The following CLSTN2 variants were observed in gnomAD, a reference collection of about 807,000 sequenced individuals.
The protein encoded by CLSTN2 is calsyntenin-2.
In CLSTN2, 48 loss-of-function variants were observed where a neutral mutation model predicts 101.2. The ratio of observed to expected loss-of-function variants is 0.47; its 90% CI spans 0.38 to 0.60. The LOEUF (loss-of-function observed/expected upper bound fraction) is 0.60. CLSTN2 is among the 20% of genes least tolerant of loss of function. CLSTN2 has a pLI of 0.00. For synonymous variants in CLSTN2, 481 were observed against 463.6 expected (o/e 1.04, Z -0.48); for missense variants, 1,160 against 1,238.2 (o/e 0.94, Z 0.95).
At position 140,074,648 on chromosome 3, in the gene CLSTN2, G is replaced by A. The variant is rs139885112; in HGVS notation, c.110-101303G>A. On this transcript the variant is annotated intron_variant, in intron 1 of 16. Transcript: ENST00000458420. ...AGGGAGAGATGCTATCATTACTCTC[G>A]TTTTACAGATGAGGAAACAGAGGCA... Among the ~76,000 whole-genome samples the A allele has an allele frequency of 5.5e-4, 84 of 152,272 alleles. 1 individual carries two copies. The highest frequency in any genetic ancestry group is 9.2e-4 in the Admixed American group (14 of 15,300).
chr3:140,552,751 G>A (rs1379134082), intron 10 of CLSTN2, among the ~76,000 whole-genome samples: 2 of 152,182 alleles, frequency 1.3e-5, no homozygotes, highest in African/African-American at 4.8e-5. Context: ...AGACCCTGCA[G>A]TGATGCTGAG....
chr3:140,089,737 A>G (rs2008743746), intron 1 of CLSTN2, among the ~76,000 whole-genome samples: 1 of 151,482 alleles, frequency 6.6e-6, no homozygotes, highest in Non-Finnish European at 1.5e-5. Context: ...TAGCCTCCTG[A>G]GTAGCTGGGA....
At chr3:140,149,461 A>T (rs1002238778) in intron 1 of CLSTN2, among the ~76,000 whole-genome samples, 4 of 9,826 alleles carry the variant, frequency 4.1e-4, no homozygotes, top group African/African-American at 1.7e-3. Context: ...TCAGATAAAT[A>T]GCATTTTTTT....
chr3:140,454,596 TA>T (rs1933349245), intron 6 of CLSTN2: 1 of 152,228 alleles, frequency 6.6e-6, no homozygotes, highest in Non-Finnish European at 1.5e-5. Flanking sequence ...TATGCTGTAG[TA>T]ACAACTGACC....
chr3:140,498,850 C>T (rs1202239343), intron 8 of CLSTN2, among the ~76,000 whole-genome samples: 2 of 152,168 alleles, frequency 1.3e-5, no homozygotes, highest in Non-Finnish European at 2.9e-5. Context: ...GAAGGATTTC[C>T]TCTCAGCCTT....
At chr3:140,373,151 A>G (rs994071485) in intron 2 of CLSTN2, among the ~76,000 whole-genome samples, 1 of 152,194 alleles carries the variant, frequency 6.6e-6, no homozygotes. Flanking sequence ...TTAACTCGGT[A>G]TTTTCCAAAG....
At chr3:140,373,248 C>T (rs952486508) in intron 2 of CLSTN2, among the ~76,000 whole-genome samples, 23 of 152,184 alleles carry the variant, frequency 1.5e-4, no homozygotes, top group African/African-American at 5.3e-4. Flanking sequence ...AATTCTATTC[C>T]AACACTGACA....
intron 2 of CLSTN2, among the ~76,000 whole-genome samples, chr3:140,374,724 C>A (rs2087896917): frequency 6.6e-6 from 1 of 152,166 alleles, no homozygotes; most frequent in Non-Finnish European, 1.5e-5. Flanking sequence ...TAAATGAAAT[C>A]AGCAATTTTG....
Position 140,410,897 on chromosome 3 carries a change from T to C in CLSTN2, c.637+6131T>C, listed in dbSNP as rs2107983571. 1.3e-5 allele frequency among the ~76,000 whole-genome samples: 2 copies of C among 152,260 alleles called. 1 individual carries two copies. The highest frequency in any genetic ancestry group is 4.1e-4 in the South Asian group (2 of 4,826). ...CAACCATAATATGTTTTATAATATG[T>C]AAGCCTCAGTAACCACAAAGCAAAA... On this transcript the variant is annotated intron_variant, in intron 4 of 16. Transcript: ENST00000458420.
chr3:140,351,922 A>G (rs1434443306), intron 2 of CLSTN2, among the ~76,000 whole-genome samples: 1 of 151,808 alleles, frequency 6.6e-6, no homozygotes, highest in East Asian at 1.9e-4. Flanking sequence ...ATATGTGTAG[A>G]TTAGTGATAC....
chr3:140,326,842 C>A (rs2087336225), intron 2 of CLSTN2, among the ~76,000 whole-genome samples: 1 of 152,120 alleles, frequency 6.6e-6, no homozygotes, highest in Admixed American at 6.5e-5. Context: ...CAAAAGTGCC[C>A]TCTATAACTT....
chr3:140,076,214 CTTG>C (rs1300062230), intron 1 of CLSTN2, among the ~76,000 whole-genome samples: 1 of 152,176 alleles, frequency 6.6e-6, no homozygotes, highest in African/African-American at 2.4e-5. Context: ...CGCGTTCATC[CTTG>C]TTGTTGCCTA....
chr3:140,553,573 T>C (rs1343901923), intron 10 of CLSTN2, among the ~76,000 whole-genome samples: 1 of 152,032 alleles, frequency 6.6e-6, no homozygotes, highest in Non-Finnish European at 1.5e-5. Flanking sequence ...TAACATATGA[T>C]CCCCAAACCT....
chr3:139,993,747 A>G (rs1235116120), intron 1 of CLSTN2, among the ~76,000 whole-genome samples: 2 of 152,182 alleles, frequency 1.3e-5, no homozygotes, highest in African/African-American at 4.8e-5. Context: ...TTTGCCATAA[A>G]CCACTTACAT....
intron 2 of CLSTN2, among the ~76,000 whole-genome samples, chr3:140,183,845 GA>G (rs2010445531): frequency 6.6e-6 from 1 of 152,180 alleles, no homozygotes; most frequent in South Asian, 2.1e-4. Flanking sequence ...TTTTATAGGA[GA>G]GACCGATGTT....
At chr3:140,147,896 A>G (rs1277023196) in intron 1 of CLSTN2, among the ~76,000 whole-genome samples, 1 of 152,150 alleles carries the variant, frequency 6.6e-6, no homozygotes, top group African/African-American at 2.4e-5. Context: ...CATTTTTTAG[A>G]GAATGTCACT....
Position 140,259,157 on chromosome 3 carries a change from A to G in CLSTN2, c.232+83084A>G, listed in dbSNP as rs1407059562. 1.4e-4 allele frequency among the ~76,000 whole-genome samples: 12 copies of G among 84,542 alleles called. No individual in the cohort carries two copies. In the Admixed American group the frequency reaches 1.7e-3, roughly 12 times the overall value. 55.5% of individuals were successfully genotyped at this position (84,542 alleles called of 152,430 possible). ...AATTTTTTTCTTTAAATCTTTATCAAGAATAATTGATTGAAAAAAAAAAGC... is the reference window on the plus strand; with the variant it reads ...AATTTTTTTCTTTAAATCTTTATCAGGAATAATTGATTGAAAAAAAAAAGC... On this transcript the variant is annotated intron_variant, in intron 2 of 16. Transcript: ENST00000458420.
At chr3:139,983,292 G>T (rs966632161) in intron 1 of CLSTN2, among the ~76,000 whole-genome samples, 2 of 152,136 alleles carry the variant, frequency 1.3e-5, no homozygotes, top group East Asian at 1.9e-4. Context: ...AAGAAAAAAA[G>T]ATGGGAAGGA....
At chr3:139,958,839 G>T (rs890870626) in intron 1 of CLSTN2, among the ~76,000 whole-genome samples, 2 of 149,040 alleles carry the variant, frequency 1.3e-5, no homozygotes, top group Non-Finnish European at 3.0e-5. Flanking sequence ...CTTAAATCAG[G>T]ATGAGTCTTA....
Sources: gnomAD v4.1 joint callset for allele counts (sites outside exome capture counted in the v4.1 genomes callset) on GRCh38, gnomAD v4.1.1 for gene constraint, MANE v1.5 for transcripts, NCBI Gene and HGNC (gene_info 2026-07-23, HGNC 2026-07-21) for gene names.